Variants in NFIC observed in about 807,000 individuals in gnomAD.
NFIC encodes the protein nuclear factor I C.
A neutral mutation model predicts 54.4 loss-of-function variants in NFIC; 12 were observed. The ratio of observed to expected loss-of-function variants is 0.22; its 90% CI spans 0.14 to 0.36. The LOEUF (loss-of-function observed/expected upper bound fraction) is 0.36, where lower values mean the gene tolerates loss of function less well. Among genes scored for constraint, NFIC ranks in the 10% least tolerant of loss-of-function variants. The pLI is 1.00. For synonymous variants in NFIC, 322 were observed against 319.2 expected (o/e 1.01, Z -0.09); for missense variants, 575 against 718.2 (o/e 0.80, Z 2.28).
At chr19:3,429,482 TTGG>T (rs1348730188) in intron 3 of NFIC, among the ~76,000 whole-genome samples, 1 of 152,078 alleles carries the variant, frequency 6.6e-6, no homozygotes, top group Non-Finnish European at 1.5e-5. Flanking sequence ...TCCCAGCTAC[TTGG>T]GAGGCTGAGG....
chr19:3,421,580 CCT>C (rs1181413020), intron 2 of NFIC, among the ~76,000 whole-genome samples: 2 of 152,238 alleles, frequency 1.3e-5, no homozygotes, highest in East Asian at 3.9e-4. Context: ...CTCGTCTGCT[CCT>C]CTGTTTCCTG....
rs565539078 is a variant in NFIC at position 3,396,333 on chromosome 19, G to A, written c.562+14090G>A. 9.9e-5 allele frequency among the ~76,000 whole-genome samples: 15 copies of A among 152,250 alleles called. 1 individual carries two copies. The highest frequency in any genetic ancestry group is 1.5e-4 in the Non-Finnish European group (10 of 68,026). ...AAAAATATGAAAATATTAGCCAGGC[G>A]TGGTGGTGGGCGCCTGTAGTCCCAG... On this transcript the variant is annotated intron_variant, in intron 2 of 10. Transcript: ENST00000443272.
rs1246345055 is a variant in NFIC at position 3,452,389 on chromosome 19, G to T, written c.1085-93G>T. ...TGTTACTAAACGCACTGAGATGCCGGCAGGAATGACACCCACAGACACACA... is the reference window on the plus strand; with the variant it reads ...TGTTACTAAACGCACTGAGATGCCGTCAGGAATGACACCCACAGACACACA... On this transcript the variant is annotated intron_variant, in intron 7 of 10. Transcript: ENST00000443272. The surrounding 1 kb of genome is among the most constrained non-coding windows in gnomAD (Gnocchi z 5.3). 2.3e-5 allele frequency: 34 copies of T among 1,491,580 alleles called. No individual in the cohort carries two copies. Among genetic ancestry groups the T allele is most frequent in the Non-Finnish European group, 2.8e-5 (31 of 1,096,042 alleles). The allele number at this position is 1,491,580 out of a possible 1,614,324, so 92.4% of individuals were successfully genotyped here. A position where few individuals can be genotyped will look rare whatever the true frequency, so the allele number is the denominator to read the frequency against.
chr19:3,408,932 A>G (rs1568428604), intron 2 of NFIC, among the ~76,000 whole-genome samples: 1 of 152,048 alleles, frequency 6.6e-6, no homozygotes, highest in Non-Finnish European at 1.5e-5. Flanking sequence ...GGGTCTTGCT[A>G]TGTGGTCCAG....
At chr19:3,395,827 C>T (rs903507353) in intron 2 of NFIC, among the ~76,000 whole-genome samples, 3 of 152,170 alleles carry the variant, frequency 2.0e-5, no homozygotes, top group South Asian at 2.1e-4. Context: ...ATTACAGGCG[C>T]GTGCCACCAC....
chr19:3,388,660 C>T (rs10424230), intron 2 of NFIC, among the ~76,000 whole-genome samples: 8 of 151,794 alleles, frequency 5.3e-5, no homozygotes, highest in South Asian at 2.1e-4. Context: ...ATGCCCCCCC[C>T]CAACAAAATT....
chr19:3,447,614 G>T (rs1489636771), intron 6 of NFIC, among the ~76,000 whole-genome samples: 1 of 152,246 alleles, frequency 6.6e-6, no homozygotes, highest in Admixed American at 6.5e-5. Context: ...ACGGCCATGG[G>T]CTTCACCTGC....
At chr19:3,384,919 C>T (rs1362216827) in intron 2 of NFIC, among the ~76,000 whole-genome samples, 5 of 152,252 alleles carry the variant, frequency 3.3e-5, no homozygotes, top group East Asian at 1.9e-4. Context: ...ACATCTTCCT[C>T]GCCCGGGGCC....
chr19:3,414,712 A>G (rs2081823536), intron 2 of NFIC, among the ~76,000 whole-genome samples: 1 of 152,176 alleles, frequency 6.6e-6, no homozygotes, highest in African/African-American at 2.4e-5. Flanking sequence ...TTGCTCATCT[A>G]ATGTCAGAAC....
At chr19:3,395,522 G>A (rs890649722) in intron 2 of NFIC, among the ~76,000 whole-genome samples, 1 of 145,702 alleles carries the variant, frequency 6.9e-6, no homozygotes, top group African/African-American at 2.5e-5. Context: ...GTAGAGATGA[G>A]GTCTCACTAT....
intron 3 of NFIC, among the ~76,000 whole-genome samples, chr19:3,431,360 CTTTTTTTTTTTTTT>C (rs71164702): frequency 4.8e-5 from 4 of 84,170 alleles, no homozygotes; most frequent in Admixed American, 1.7e-4. Context: ...TTTCCTTCTT[CTTTTTTTTTTTTTT>C]TTTTTTTTTT....
At chr19:3,436,427 G>A (rs1385994584) in intron 6 of NFIC, among the ~76,000 whole-genome samples, 1 of 146,800 alleles carries the variant, frequency 6.8e-6, no homozygotes, top group Non-Finnish European at 1.5e-5. Flanking sequence ...TCCTCCCAAA[G>A]TGCTGGGATT....
At chr19:3,462,148 G>A (rs530218291) in intron 10 of NFIC, among the ~76,000 whole-genome samples, 12 of 152,096 alleles carry the variant, frequency 7.9e-5, no homozygotes, top group African/African-American at 2.2e-4. Context: ...TTGGGAGGCC[G>A]AGGAAGGTGG....
At position 3,458,613 on chromosome 19, in the gene NFIC, G is replaced by C. The variant is rs2082594805; in HGVS notation, c.1509+1978G>C. 6.6e-6 allele frequency among the ~76,000 whole-genome samples: 1 copy of C among 152,048 alleles called. No homozygotes were observed. The highest frequency in any genetic ancestry group is 2.4e-5 in the African/African-American group (1 of 41,398). On this transcript the variant is annotated intron_variant, in intron 10 of 10. Coordinates refer to ENST00000443272, the MANE Select transcript of NFIC (RefSeq NM_001245002.2). The surrounding 1 kb of genome is among the most constrained non-coding windows in gnomAD (Gnocchi z 4.1). ...TGGGGACCCAGAAAGGGTGGGACCA[G>C]GGCTGGCAGAATGGGGTGTGGGGGG...
chr19:3,442,295 G>T (rs914926588), intron 6 of NFIC, among the ~76,000 whole-genome samples: 1 of 151,950 alleles, frequency 6.6e-6, no homozygotes, highest in Admixed American at 6.6e-5. Context: ...GGCGACAAAG[G>T]TCCCGTCCAC....
upstream of NFIC, among the ~76,000 whole-genome samples, chr19:3,363,266 TA>T (rs1323274464): frequency 7.8e-3 from 486 of 62,154 alleles, 12 homozygotes; most frequent in African/African-American, 0.031. Context: ...TATATATATA[TA>T]TATTTTTTTT....
intron 1 of NFIC, among the ~76,000 whole-genome samples, chr19:3,368,556 A>C (rs982755033): frequency 6.6e-6 from 1 of 152,186 alleles, no homozygotes; most frequent in Non-Finnish European, 1.5e-5. Context: ...AGAGGCAGAG[A>C]GCTCCCAGGC....
At position 3,462,997 on chromosome 19, in the gene NFIC, G is replaced by A; in HGVS notation, c.*228G>A. The stretch of plus-strand genomic sequence containing the variant: ...AAGAAATAAAAACCCACCCAAGCAA[G>A]AAGACAAAAGGTAAAGACGCAACGT... On this transcript the variant is annotated 3_prime_UTR_variant, in exon 11 of 11. Transcript: ENST00000443272. 7.1e-7 allele frequency: 1 copy of A among 1,401,574 alleles called. No individual in the cohort carries two copies. The highest frequency in any genetic ancestry group is 9.2e-7 in the Non-Finnish European group (1 of 1,084,392). The allele number at this position is 1,401,574 out of a possible 1,614,324, so 86.8% of individuals were successfully genotyped here. A position where few individuals can be genotyped will look rare whatever the true frequency, so the allele number is the denominator to read the frequency against.
intron 2 of NFIC, among the ~76,000 whole-genome samples, chr19:3,424,644 A>G (rs780758033): frequency 3.9e-5 from 6 of 152,016 alleles, no homozygotes; most frequent in Non-Finnish European, 7.4e-5. Flanking sequence ...TGGCCTCCCA[A>G]AGTGCTAGGA....
Sources: gnomAD v4.1 joint callset for allele counts (sites outside exome capture counted in the v4.1 genomes callset) on GRCh38, gnomAD v4.1.1 for gene constraint, Gnocchi (gnomAD v3.1) non-coding constraint, MANE v1.5 for transcripts, NCBI Gene and HGNC (gene_info 2026-07-23, HGNC 2026-07-21) for gene names.